Variants in NEGR1 observed in about 807,000 individuals in gnomAD.
NEGR1 encodes IgLON family member 4.
In NEGR1, 10 loss-of-function variants were observed where a neutral mutation model predicts 40.9. The observed-to-expected ratio is 0.24, with a 90% confidence interval of 0.15 to 0.42. The LOEUF is 0.42. Among genes scored for constraint, NEGR1 ranks in the 10% least tolerant of loss-of-function variants. The pLI is 1.00. For synonymous variants in NEGR1, 185 were observed against 166.8 expected, an observed-to-expected ratio of 1.11 and a Z score of -0.84; for missense variants, 352 against 438.9, an observed-to-expected ratio of 0.80 and a Z score of 1.77.
chr1:72,240,145 T>C (rs1362336600), intron 1 of NEGR1, among the ~76,000 whole-genome samples: 2 of 151,840 alleles, frequency 1.3e-5, no homozygotes, highest in African/African-American at 4.8e-5. Context: ...ACATCGCTAA[T>C]GCTTAAAAAA....
In NEGR1 at chr1:71,405,723, C is replaced by T. The variant is rs1235106542; in HGVS notation, c.*1723G>A. 3 of 151,452 alleles carry T rather than the reference C, an allele frequency of 2.0e-5. No homozygotes were observed. The East Asian group carries it at 5.8e-4, about 29-fold the overall frequency. The allele number at this position is 151,452 out of a possible 1,614,324, so 9.4% of individuals were successfully genotyped here. ...AATCACAGTTTTTAAGCCATCCCTG[C>T]TAGGGCAACATACTAGATATCTCAA... On this transcript the variant is annotated 3_prime_UTR_variant, in exon 7 of 7. Coordinates refer to ENST00000357731, the MANE Select transcript of NEGR1 (RefSeq NM_173808.3).
rs185918741 is a variant in NEGR1, at chr1:71,473,710, G to A, written c.941-66140C>T. ...ATGAACCTGGACCTTATGGATGTAC[G>A]GGGCATGGCTTTTTGGAGAATGGGG... On this transcript the variant is annotated intron_variant, in intron 6 of 6. Coordinates refer to ENST00000357731, the MANE Select transcript of NEGR1 (RefSeq NM_173808.3). 9.6e-4 allele frequency among the ~76,000 whole-genome samples: 146 copies of A among 152,056 alleles called. No individual in the cohort carries two copies. The Middle Eastern group carries it at 0.01, about 11-fold the overall frequency.
chr1:71,674,569 A>T (rs1022940402), intron 4 of NEGR1, among the ~76,000 whole-genome samples: 1 of 142,898 alleles, frequency 7.0e-6, no homozygotes, highest in East Asian at 2.1e-4. Context: ...AATACTCTGC[A>T]GGCTTTTGCT....
chr1:72,134,430 T>C (rs1358560261), intron 1 of NEGR1, among the ~76,000 whole-genome samples: 1 of 151,900 alleles, frequency 6.6e-6, no homozygotes, highest in Admixed American at 6.6e-5. Context: ...GGTCTCGATC[T>C]CCTGACCTCA....
At chr1:71,768,981 A>G (rs889479652) in intron 3 of NEGR1, among the ~76,000 whole-genome samples, 12 of 152,164 alleles carry the variant, frequency 7.9e-5, no homozygotes, top group African/African-American at 2.9e-4. Flanking sequence ...CATGACTATA[A>G]GTTTCCTGAG....
At chr1:72,018,729 G>T (rs1646732486) in intron 1 of NEGR1, among the ~76,000 whole-genome samples, 1 of 152,188 alleles carries the variant, frequency 6.6e-6, no homozygotes, top group African/African-American at 2.4e-5. Context: ...TCCAGCAGCA[G>T]CCACAAGGCC....
intron 4 of NEGR1, among the ~76,000 whole-genome samples, chr1:71,620,363 A>ACT (rs1317396771): frequency 6.6e-6 from 1 of 152,048 alleles, no homozygotes; most frequent in Non-Finnish European, 1.5e-5. Flanking sequence ...AGGCAGCCTT[A>ACT]GTCAAATGGA....
chr1:71,539,411 A>G (rs1647617084), intron 6 of NEGR1, among the ~76,000 whole-genome samples: 1 of 151,744 alleles, frequency 6.6e-6, no homozygotes, highest in Admixed American at 6.6e-5. Context: ...AGGAAAGCCT[A>G]CGAAGGAAAA....
At chr1:71,932,349 AG>A (rs1193454985) in intron 2 of NEGR1, among the ~76,000 whole-genome samples, 1 of 151,874 alleles carries the variant, frequency 6.6e-6, no homozygotes, top group Non-Finnish European at 1.5e-5. Context: ...TGGACCTTAA[AG>A]ACCTTCTTGT....
intron 1 of NEGR1, among the ~76,000 whole-genome samples, chr1:71,992,389 A>C (rs1241899622): frequency 6.6e-6 from 1 of 152,160 alleles, no homozygotes; most frequent in Non-Finnish European, 1.5e-5. Flanking sequence ...GTATTCTTAT[A>C]ATGTTCATAA....
chr1:71,974,934 T>A (rs1646288921), intron 1 of NEGR1, among the ~76,000 whole-genome samples: 2 of 152,176 alleles, frequency 1.3e-5, no homozygotes, highest in African/African-American at 4.8e-5. Context: ...TCCTTTATGT[T>A]AATATTTCCT....
At chr1:71,899,830 C>G (rs1389771486) in intron 2 of NEGR1, among the ~76,000 whole-genome samples, 1 of 152,110 alleles carries the variant, frequency 6.6e-6, no homozygotes, top group East Asian at 1.9e-4. Flanking sequence ...CAAACATGAA[C>G]CATTGTTTTC....
At chr1:72,127,463 C>CAAAAAAAAAAAAAAAAAAAAAA (rs56301492) in intron 1 of NEGR1, among the ~76,000 whole-genome samples, 1 of 39,292 alleles carries the variant, frequency 2.5e-5, no homozygotes, top group African/African-American at 8.6e-5. Context: ...GGCTCTGTCT[C>CAAAAAAAAAAAAAAAAAAAAAA]AAAAAAAAAA....
rs983293903 is a variant in NEGR1, at chr1:72,030,730, A to G, written c.177-95419T>C. Reference sequence around the variant, plus strand: ...TGAGAACATTAGATAAAGCAAATGTAGTTACAGTCATTGAAATTTTCAAGT... The same window carrying G: ...TGAGAACATTAGATAAAGCAAATGTGGTTACAGTCATTGAAATTTTCAAGT... On this transcript the variant is annotated intron_variant, in intron 1 of 6. Coordinates refer to ENST00000357731, the MANE Select transcript of NEGR1 (RefSeq NM_173808.3). Among the ~76,000 whole-genome samples the G allele has an allele frequency of 7.2e-5, 11 of 152,192 alleles. 1 individual carries two copies. In the South Asian group the frequency reaches 2.3e-3, roughly 31 times the overall value.
At chr1:71,888,275 C>A (rs150939571) in intron 2 of NEGR1, among the ~76,000 whole-genome samples, 1 of 151,602 alleles carries the variant, frequency 6.6e-6, no homozygotes, top group Non-Finnish European at 1.5e-5. Context: ...ACGCAGAAGA[C>A]GGGTGATTTC....
chr1:71,922,112 C>A (rs1435032013), intron 2 of NEGR1, among the ~76,000 whole-genome samples: 1 of 152,132 alleles, frequency 6.6e-6, no homozygotes, highest in Non-Finnish European at 1.5e-5. Context: ...TGTTCAATAG[C>A]AGCTAGGCCC....
chr1:71,742,039 G>A (rs1655228827), intron 3 of NEGR1, among the ~76,000 whole-genome samples: 2 of 152,142 alleles, frequency 1.3e-5, no homozygotes, highest in African/African-American at 4.8e-5. Context: ...TTTGGGTGAG[G>A]ACAAGATCTA....
chr1:72,129,575 A>G (rs940738078), intron 1 of NEGR1, among the ~76,000 whole-genome samples: 3 of 152,196 alleles, frequency 2.0e-5, no homozygotes, highest in Non-Finnish European at 2.9e-5. Context: ...ATTGAAGTTT[A>G]GGGAGAAAAG....
At chr1:71,941,427 TATAA>T (rs1645958464) in intron 1 of NEGR1, among the ~76,000 whole-genome samples, 1 of 152,170 alleles carries the variant, frequency 6.6e-6, no homozygotes, top group African/African-American at 2.4e-5. Context: ...TGTATGGTTA[TATAA>T]ATATTTCCTA....
Sources: gnomAD v4.1 joint callset for allele counts (sites outside exome capture counted in the v4.1 genomes callset) on GRCh38, gnomAD v4.1.1 for gene constraint, MANE v1.5 for transcripts, NCBI Gene and HGNC (gene_info 2026-07-23, HGNC 2026-07-21) for gene names.